The following PEAK1 variants were observed in gnomAD, a reference collection of about 807,000 sequenced individuals.
The protein encoded by PEAK1 is pseudopodium enriched atypical kinase 1, also known as inactive tyrosine-protein kinase PEAK1.
Under a neutral mutation model 124.7 loss-of-function variants are expected in PEAK1, and 54 were observed. The ratio of observed to expected loss-of-function variants is 0.43; its 90% CI spans 0.35 to 0.54. PEAK1 has a LOEUF of 0.54. Ranked by LOEUF, PEAK1 falls within the 20% of genes least tolerant of loss-of-function variation. The pLI is 0.01. For missense variants in PEAK1, 2,046 were observed against 2,134.5 expected (o/e 0.96, Z 0.82); for synonymous variants, 719 against 760.0 (o/e 0.95, Z 0.89).
At chr15:77,323,712 G>A (rs2065388338) in intron 2 of PEAK1, among the ~76,000 whole-genome samples, 1 of 152,090 alleles carries the variant, frequency 6.6e-6, no homozygotes, top group South Asian at 2.1e-4. Context: ...TACTGCCCAA[G>A]GTAATTTATA....
intron 1 of PEAK1, among the ~76,000 whole-genome samples, chr15:77,374,038 T>C (rs186054426): frequency 7.2e-5 from 11 of 152,342 alleles, no homozygotes; most frequent in Admixed American, 5.9e-4. Flanking sequence ...TGATACTTTA[T>C]AGAGAATATA....
At chr15:77,152,612 A>G (rs552124346) in intron 8 of PEAK1, among the ~76,000 whole-genome samples, 68 of 152,270 alleles carry the variant, frequency 4.5e-4, no homozygotes, top group African/African-American at 1.5e-3. Flanking sequence ...TCAGTATGAT[A>G]TTGGCTGTGG....
At chr15:77,402,449 T>G in intron 1 of PEAK1, 1 of 984,958 alleles carries the variant, frequency 1.0e-6, no homozygotes, top group South Asian at 4.7e-5. Context: ...TGTCACTGCA[T>G]ATCTTTTAGT....
intron 2 of PEAK1, chr15:77,349,229 C>T (rs142301509): frequency 0.25 from 106,953 of 424,008 alleles, 14,465 homozygotes; most frequent in Non-Finnish European, 0.27. Context: ...TTAGTAGAGA[C>T]GGGGTTTCAC....
chr15:77,322,448 T>C (rs978285367), intron 2 of PEAK1, among the ~76,000 whole-genome samples: 2 of 151,892 alleles, frequency 1.3e-5, no homozygotes, highest in African/African-American at 4.8e-5. Flanking sequence ...AAAGGGGATA[T>C]CACCACCGAT....
intron 2 of PEAK1, among the ~76,000 whole-genome samples, chr15:77,313,726 G>GTGTATGTA (rs1462211130): frequency 2.1e-4 from 23 of 108,558 alleles, no homozygotes; most frequent in African/African-American, 7.5e-4. Context: ...GTGTGTGTGT[G>GTGTATGTA]TATATATATA....
chr15:77,114,050 T>G lies in PEAK1; in HGVS notation c.*106A>C. 2 of 1,224,124 alleles carry G rather than the reference T, an allele frequency of 1.6e-6. No homozygotes were observed. The highest frequency in any genetic ancestry group is 2.3e-6 in the Non-Finnish European group (2 of 854,798). 75.8% of individuals were successfully genotyped at this position (1,224,124 alleles called of 1,614,324 possible). On this transcript the variant is annotated 3_prime_UTR_variant, in exon 10 of 10. Transcript: ENST00000682557. Reference sequence around the variant, plus strand: ...ACTTGTTCACGGACAGGGATAGAGGTTTGCCTTTCTTCTTTCCTTGAATTT... The same window carrying G: ...ACTTGTTCACGGACAGGGATAGAGGGTTGCCTTTCTTCTTTCCTTGAATTT...
intron 1 of PEAK1, among the ~76,000 whole-genome samples, chr15:77,390,806 A>G (rs1313080008): frequency 6.6e-6 from 1 of 152,216 alleles, no homozygotes; most frequent in Non-Finnish European, 1.5e-5. Context: ...TCACAGTGCC[A>G]GGATTTCAAC....
chr15:77,187,631 G>C (rs920795736), intron 6 of PEAK1, among the ~76,000 whole-genome samples: 12 of 152,172 alleles, frequency 7.9e-5, no homozygotes, highest in African/African-American at 2.9e-4. Context: ...TAATAATAAA[G>C]GAGGATGGAG....
At chr15:77,337,771 G>C in intron 2 of PEAK1, 2 of 985,134 alleles carry the variant, frequency 2.0e-6, no homozygotes, top group Non-Finnish European at 2.4e-6. Context: ...ACAAAATCTG[G>C]AACACATTTT....
intron 5 of PEAK1, among the ~76,000 whole-genome samples, chr15:77,261,695 A>G (rs919582970): frequency 6.6e-6 from 1 of 152,216 alleles, no homozygotes; most frequent in Admixed American, 6.5e-5. Context: ...GCAGGATATT[A>G]TCCAGGAGAA....
At chr15:77,256,353 T>C (rs1413502219) in intron 5 of PEAK1, among the ~76,000 whole-genome samples, 1 of 151,980 alleles carries the variant, frequency 6.6e-6, no homozygotes, top group African/African-American at 2.4e-5. Flanking sequence ...CAGGCTAAAA[T>C]TGGTGTGATC....
At chr15:77,143,220 TTGTAA>T (rs1381484922) in intron 8 of PEAK1, among the ~76,000 whole-genome samples, 4 of 152,128 alleles carry the variant, frequency 2.6e-5, no homozygotes, top group African/African-American at 9.7e-5. Context: ...GAAGTATGCT[TTGTAA>T]TAAGTCCTAA....
In PEAK1 at chr15:77,178,591, G is replaced by A. The variant is rs2057029299; in HGVS notation, c.3137+199C>T. 1.5e-5 allele frequency: 9 copies of A among 593,540 alleles called. No homozygotes were observed. In the South Asian group the frequency reaches 2.6e-4, roughly 17 times the overall value. 36.8% of individuals were successfully genotyped at this position (593,540 alleles called of 1,614,324 possible). ...TAGGCTACTTAAGCCAAAGATCCAG[G>A]GCTATAAACCTTGTTCAGTGCAGTA... On this transcript the variant is annotated intron_variant, in intron 7 of 9. Coordinates refer to ENST00000682557, the MANE Select transcript of PEAK1 (RefSeq NM_001385026.1).
At chr15:77,251,499 G>T (rs1026777272) in intron 6 of PEAK1, among the ~76,000 whole-genome samples, 5 of 152,132 alleles carry the variant, frequency 3.3e-5, no homozygotes, top group East Asian at 1.9e-4. Flanking sequence ...CTAGAAACTA[G>T]ATGTCAAGTA....
At chr15:77,228,042 T>A (rs2059753901) in intron 6 of PEAK1, among the ~76,000 whole-genome samples, 1 of 152,054 alleles carries the variant, frequency 6.6e-6, no homozygotes, top group African/African-American at 2.4e-5. Flanking sequence ...ATATATTTTA[T>A]CTATTCATAA....
intron 5 of PEAK1, among the ~76,000 whole-genome samples, chr15:77,258,089 C>G (rs1256328591): frequency 6.6e-6 from 1 of 152,140 alleles, no homozygotes. Context: ...TGATCTATAT[C>G]TCTATTTTGG....
chr15:77,120,636 G>A (rs544383487), intron 9 of PEAK1, among the ~76,000 whole-genome samples: 1 of 152,060 alleles, frequency 6.6e-6, no homozygotes, highest in Non-Finnish European at 1.5e-5. Flanking sequence ...TTTCCAACTG[G>A]TCTGCCTGCC....
intron 8 of PEAK1, among the ~76,000 whole-genome samples, chr15:77,141,827 A>G (rs1194520987): frequency 6.6e-6 from 1 of 152,186 alleles, no homozygotes; most frequent in African/African-American, 2.4e-5. Flanking sequence ...CTCACACTAT[A>G]CACAAAAATT....
Sources: allele counts gnomAD v4.1 joint callset (sites outside exome capture counted in the v4.1 genomes callset), GRCh38; gene constraint gnomAD v4.1.1; transcripts MANE v1.5; gene names NCBI Gene and HGNC (gene_info 2026-07-23, HGNC 2026-07-21).